Variants in CMYA5 observed in about 807,000 individuals in gnomAD.
CMYA5 encodes cardiomyopathy associated 5.
CMYA5 carries 246 observed loss-of-function variants against 318.9 expected under a neutral mutation model. The ratio of observed to expected loss-of-function variants is 0.77; its 90% CI spans 0.70 to 0.86. The LOEUF (loss-of-function observed/expected upper bound fraction) is 0.86, where lower values mean the gene tolerates loss of function less well. Among genes scored for constraint, CMYA5 ranks in the 40% least tolerant of loss-of-function variants. The pLI, the probability that CMYA5 is intolerant of heterozygous loss-of-function variation, is 0.00. For missense variants in CMYA5, 4,589 were observed against 4,678.2 expected, an observed-to-expected ratio of 0.98 and a Z score of 0.56; for synonymous variants, 1,641 against 1,729.5, an observed-to-expected ratio of 0.95 and a Z score of 1.27.
intron 12 of CMYA5, among the ~76,000 whole-genome samples, chr5:79,795,410 G>A (rs1408499568): frequency 6.6e-6 from 1 of 152,048 alleles, no homozygotes; most frequent in Non-Finnish European, 1.5e-5. Flanking sequence ...TGTCACAATT[G>A]GGAAGGAGGC....
chr5:79,785,319 T>C (rs1045173249), intron 9 of CMYA5, among the ~76,000 whole-genome samples: 1 of 152,128 alleles, frequency 6.6e-6, no homozygotes, highest in Admixed American at 6.5e-5. Context: ...CGTAGCCTCC[T>C]CCATCAGCCT....
In CMYA5 at chr5:79,714,431, C is replaced by CTTTTTCTTTT. The variant is rs767402291; in HGVS notation, c.150-14479_150-14478insCTTTTTTTTT. On this transcript the variant is annotated intron_variant, in intron 1 of 12. Coordinates refer to ENST00000446378, the MANE Select transcript of CMYA5 (RefSeq NM_153610.5). The stretch of plus-strand genomic sequence containing the variant: ...CACATCTGATATCTTTTTTCTTTTT[C>CTTTTTCTTTT]TTTTTTTTTTTTTTTTTTTTGAGAT... Among the ~76,000 whole-genome samples, 215 of 100,676 alleles carry CTTTTTCTTTT rather than the reference C, an allele frequency of 2.1e-3. 1 individual carries two copies. Among genetic ancestry groups the CTTTTTCTTTT allele is most frequent in the East Asian group, 3.7e-3 (11 of 2,978 alleles). The allele number at this position is 100,676 out of a possible 152,430, so 66.0% of individuals were successfully genotyped here. A position where few individuals can be genotyped will look rare whatever the true frequency, so the allele number is the denominator to read the frequency against.
rs755746684 is a variant in CMYA5 at position 79,732,496 on chromosome 5, C to T, written c.3731C>T (p.Pro1244Leu). 4 of 1,613,090 alleles carry T rather than the reference C, an allele frequency of 2.5e-6. No homozygotes were observed. The highest frequency in any genetic ancestry group is 3.4e-6 in the Non-Finnish European group (4 of 1,179,562). ...TCTGAGATGAAATATTCAGTTTTGC[C>T]TGACATGGTAGATGAGCCAAAGAAG... ...PESEMKYSVL[P>L]DMVDEPKKGV... Residue 1244 changes from proline to leucine, a missense_variant, in exon 2 of 13, where the codon CCT becomes CTT. Coordinates refer to ENST00000446378, the MANE Select transcript of CMYA5 (RefSeq NM_153610.5).
rs757459683 is a variant in CMYA5 at position 79,739,077 on chromosome 5, T to G, written c.10312T>G (p.Ser3438Ala). Reference sequence around the variant, plus strand: ...TGAAGTGGTTCCTCAAGACATATTATCAGAAGAACTGTCTTCAGAATCCAC... The same window carrying G: ...TGAAGTGGTTCCTCAAGACATATTAGCAGAAGAACTGTCTTCAGAATCCAC... ...HNEVVPQDILSEELSSESTPE... is the reference protein window; with the variant it reads ...HNEVVPQDILAEELSSESTPE... The change falls in exon 2 of 13, where the codon TCA becomes GCA. Residue 3438 changes from serine (S) to alanine (A), a missense_variant. Ser to Ala is a moderately conservative substitution (Grantham distance 99, BLOSUM62 1). Around this residue, in one of 3 missense-constraint regions of CMYA5, gnomAD observed 2,431 missense variants for 2,495.1 expected, o/e 0.97. Transcript: ENST00000446378. 3.3e-5 allele frequency: 54 copies of G among 1,613,726 alleles called. No homozygotes were observed. Among genetic ancestry groups the G allele is most frequent in the Non-Finnish European group, 4.1e-5 (48 of 1,179,848 alleles).
intron 1 of CMYA5, among the ~76,000 whole-genome samples, chr5:79,690,762 T>G (rs1022673720): frequency 2.6e-5 from 4 of 152,230 alleles, no homozygotes; most frequent in Non-Finnish European, 5.9e-5. Context: ...CTTGTTTTCC[T>G]TGAGTATGAG....
At position 79,739,019 on chromosome 5, in the gene CMYA5, G is replaced by A; in HGVS notation, c.10254G>A (p.Gln3418=). 1.2e-6 allele frequency: 2 copies of A among 1,613,850 alleles called. No homozygotes were observed. The highest frequency in any genetic ancestry group is 1.7e-4 in the Middle Eastern group (1 of 6,060). Residue 3418 remains glutamine, a synonymous_variant, in exon 2 of 13, where the codon CAG becomes CAA. Coordinates refer to ENST00000446378, the MANE Select transcript of CMYA5 (RefSeq NM_153610.5). ...AGAGGCTCCGTAATAGCCCTGTTCA[G>A]GATGAGTATGAATTTACAGAATCCC... ...SEERLRNSPV[Q]DEYEFTESLH...
rs1828150555 is a variant in CMYA5, at chr5:79,738,886, C to T, written c.10121C>T (p.Pro3374Leu). ...AGTCCAGAGGTCAATCTGAATGTCC[C>T]AGTACAAGTGTCCTTCCCGGAGGAA... ...NASPEVNLNV[P>L]VQVSFPEEEF... The change falls in exon 2 of 13, where the codon CCA (proline) becomes CTA (leucine). Residue 3374 changes from proline to leucine, a missense_variant. This residue lies in a region of CMYA5 where 2,431 missense variants were observed against 2,495.1 expected (regional missense o/e 0.97). Transcript: ENST00000446378. 6.2e-7 allele frequency: 1 copy of T among 1,613,846 alleles called. No homozygotes were observed. Among genetic ancestry groups the T allele is most frequent in the Middle Eastern group, 1.7e-4 (1 of 6,060 alleles).
chr5:79,790,983 C>G lies in CMYA5; in HGVS notation c.11703C>G (p.Leu3901=), dbSNP rs367577043. 5.6e-6 allele frequency: 9 copies of G among 1,612,952 alleles called. No individual in the cohort carries two copies. Among genetic ancestry groups the G allele is most frequent in the Middle Eastern group, 1.6e-4 (1 of 6,084 alleles). The stretch of plus-strand genomic sequence containing the variant: ...CACCTGCAATAGGAACCAGATTTCT[C>G]TTGTTGAGAGAAACAGCTCATCCTG... ...ALISTRGTRF[L]LLRETAHPAL... The change falls in exon 11 of 13, where the codon CTC becomes CTG. Residue 3901 remains leucine (L), a synonymous_variant. Transcript: ENST00000446378.
Position 79,732,431 on chromosome 5 carries a change from G to T in CMYA5, c.3666G>T (p.Gln1222His). Residue 1222 changes from glutamine to histidine, a missense_variant, in exon 2 of 13, where the codon CAG (glutamine) becomes CAT (histidine). Gln to His is a conservative substitution (Grantham distance 24). Coordinates refer to ENST00000446378, the MANE Select transcript of CMYA5 (RefSeq NM_153610.5). ...DSQEATAHVS[Q>H]DQKMEPQPPN... ...AAGAAGCTACAGCACATGTATCACA[G>T]GATCAAAAAATGGAGCCTCAGCCTC... is the stretch of plus-strand genomic sequence containing the variant. 1 of 1,613,400 alleles carries T rather than the reference G, an allele frequency of 6.2e-7. No homozygotes were observed. Among genetic ancestry groups the T allele is most frequent in the Non-Finnish European group, 8.5e-7 (1 of 1,179,698 alleles).
In CMYA5 at chr5:79,758,865, C is replaced by T; in HGVS notation, c.11223C>T (p.Tyr3741=). The T allele has an allele frequency of 6.2e-7, 1 of 1,601,006 alleles. No individual in the cohort carries two copies. Among genetic ancestry groups the T allele is most frequent in the Non-Finnish European group, 8.5e-7 (1 of 1,173,860 alleles). The change falls in exon 7 of 13, where the codon TAC becomes TAT. Residue 3741 remains tyrosine (Y), a synonymous_variant. Coordinates refer to ENST00000446378, the MANE Select transcript of CMYA5 (RefSeq NM_153610.5). ...KEDVIDSFQV[Y]CMEEPQDDQE... Reference sequence around the variant, plus strand: ...ATGTCATTGATTCATTTCAGGTTTACTGCATGGAGGAGCCACAAGATGATC... The same window carrying T: ...ATGTCATTGATTCATTTCAGGTTTATTGCATGGAGGAGCCACAAGATGATC...
intron 1 of CMYA5, among the ~76,000 whole-genome samples, chr5:79,705,578 A>G (rs1044594024): frequency 1.3e-5 from 2 of 152,168 alleles, no homozygotes; most frequent in African/African-American, 4.8e-5. Flanking sequence ...CCACCCACAC[A>G]TCTTCCCACT....
rs559522309 is a variant in CMYA5, at chr5:79,689,875, G to A, written c.-33G>A. 482 of 689,386 alleles carry A rather than the reference G, an allele frequency of 7.0e-4. 1 individual carries two copies. In the African/African-American group the frequency reaches 8.5e-3, roughly 12 times the overall value. 42.7% of individuals were successfully genotyped at this position (689,386 alleles called of 1,614,324 possible). A position where few individuals can be genotyped will look rare whatever the true frequency, so the allele number is the denominator to read the frequency against. ...CACCAGGCGCGGCGCGGGCGGCTCCGGCTCCGGCCCCGGCCCAGGCCCGGG... is the reference window on the plus strand; with the variant it reads ...CACCAGGCGCGGCGCGGGCGGCTCCAGCTCCGGCCCCGGCCCAGGCCCGGG... On this transcript the variant is annotated 5_prime_UTR_variant, in exon 1 of 13. Coordinates refer to ENST00000446378, the MANE Select transcript of CMYA5 (RefSeq NM_153610.5).
rs769909526 is a variant in CMYA5 at position 79,735,699 on chromosome 5, G to T, written c.6934G>T (p.Gly2312Cys). Residue 2312 changes from glycine (G) to cysteine (C), a missense_variant, in exon 2 of 13, where the codon GGT (glycine) becomes TGT (cysteine). Physicochemically the swap from Gly to Cys is radical, Grantham distance 159. Transcript: ENST00000446378. The part of the protein sequence containing the change: ...NINSVVTSAD[G>C]ENLEIQSYSL... ...AAACTCAGTAGTTACTTCTGCTGATGGTGAGAACCTTGAAATTCAATCTTA... is the reference window on the plus strand; with the variant it reads ...AAACTCAGTAGTTACTTCTGCTGATTGTGAGAACCTTGAAATTCAATCTTA... 3.7e-6 allele frequency: 6 copies of T among 1,601,146 alleles called. No homozygotes were observed. In the South Asian group the frequency reaches 4.6e-5, roughly 12 times the overall value.
chr5:79,797,849 A>G (rs553490994), intron 12 of CMYA5, among the ~76,000 whole-genome samples: 1 of 152,202 alleles, frequency 6.6e-6, no homozygotes, highest in African/African-American at 2.4e-5. Context: ...CCACCTTACC[A>G]TCACTGCTGC....
intron 9 of CMYA5, among the ~76,000 whole-genome samples, chr5:79,773,629 C>G (rs574429043): frequency 6.6e-6 from 1 of 152,260 alleles, no homozygotes; most frequent in South Asian, 2.1e-4. Flanking sequence ...GAGCCTGGAC[C>G]ATAAATGGGG....
intron 3 of CMYA5, 65 bp from the exon 4 acceptor site, chr5:79,745,154 CAAA>C (rs35310955): frequency 2.4e-4 from 207 of 880,374 alleles, no homozygotes; most frequent in African/African-American, 3.0e-4. Context: ...CTGGTGTTTC[CAAA>C]AAAAAAAAAA....
At chr5:79,743,796 A>T in intron 2 of CMYA5, 31 bp from the exon 3 acceptor site, 1 of 1,201,550 alleles carries the variant, frequency 8.3e-7, no homozygotes, top group Non-Finnish European at 1.2e-6. Flanking sequence ...TAAATGTCAT[A>T]TACTAAGGAT....
Position 79,729,167 on chromosome 5 carries a change from G to A in CMYA5, c.402G>A (p.Arg134=), listed in dbSNP as rs1255059037. 1.9e-6 allele frequency: 3 copies of A among 1,612,434 alleles called. No homozygotes were observed. In the African/African-American group the frequency reaches 4.0e-5, roughly 22 times the overall value. Residue 134 remains arginine, a synonymous_variant, in exon 2 of 13, where the codon AGG becomes AGA. Transcript: ENST00000446378. ...ATGAAGTGAAAAAGGTTCGGAAAAG[G>A]ACTCATAAGTCAAAGCATGGTTCAC... is the stretch of plus-strand genomic sequence containing the variant. ...IVDEVKKVRK[R]THKSKHGSPS...
Position 79,729,861 on chromosome 5 carries a change from C to G in CMYA5, c.1096C>G (p.Gln366Glu). 3 of 1,612,558 alleles carry G rather than the reference C, an allele frequency of 1.9e-6. No individual in the cohort carries two copies. The highest frequency in any genetic ancestry group is 2.5e-6 in the Non-Finnish European group (3 of 1,179,152). Reference protein sequence around the residue: ...QLRHSQSVPQQPEDEAKPHEV... With the variant: ...QLRHSQSVPQEPEDEAKPHEV... ...CAGGCATTCACAGTCAGTGCCACAACAGCCAGAAGATGAAGCAAAACCACA... is the reference window on the plus strand; with the variant it reads ...CAGGCATTCACAGTCAGTGCCACAAGAGCCAGAAGATGAAGCAAAACCACA... The change falls in exon 2 of 13, where the codon CAG (glutamine) becomes GAG (glutamate). Residue 366 changes from glutamine to glutamate, a missense_variant. Coordinates refer to ENST00000446378, the MANE Select transcript of CMYA5 (RefSeq NM_153610.5).
Sources: gnomAD v4.1 joint callset for allele counts (sites outside exome capture counted in the v4.1 genomes callset) on GRCh38, gnomAD v4.1.1 for gene constraint, gnomAD v4.1.1 regional missense constraint, MANE v1.5 for transcripts, NCBI Gene and HGNC (gene_info 2026-07-23, HGNC 2026-07-21) for gene names.